The following ANXA8 variants were observed in gnomAD, a reference collection of about 807,000 sequenced individuals.
ANXA8 encodes annexin A8.
ANXA8 carries 9 observed loss-of-function variants against 26.8 expected under a neutral mutation model. The ratio of observed to expected loss-of-function variants is 0.34; its 90% CI spans 0.20 to 0.59. ANXA8 has a LOEUF of 0.59. ANXA8 is among the 20% of genes least tolerant of loss of function. The probability of loss-of-function intolerance (pLI) is 0.84; values close to 1 mark genes in which losing one functional copy is unlikely to be tolerated. For missense variants in ANXA8, 83 were observed against 238.5 expected, an observed-to-expected ratio of 0.35 and a Z score of 4.29; for synonymous variants, 39 against 94.8, an observed-to-expected ratio of 0.41 and a Z score of 3.42.
At chr10:47,714,520 C>G in the ANXA8 span, among the ~76,000 whole-genome samples, 7 of 85,634 alleles carry the variant, frequency 8.2e-5, no homozygotes, top group African/African-American at 2.8e-4. Flanking sequence ...TATGATAATA[C>G]AGATAAGTTG....
the ANXA8 span, among the ~76,000 whole-genome samples, chr10:47,560,812 A>G: frequency 7.9e-5 from 12 of 152,130 alleles, no homozygotes; most frequent in African/African-American, 2.4e-4. Context: ...TTTTAGTGTT[A>G]AAACAATTTT....
the ANXA8 span, among the ~76,000 whole-genome samples, chr10:47,681,866 G>T: frequency 2.7e-5 from 3 of 113,168 alleles, no homozygotes; most frequent in African/African-American, 1.0e-4. Flanking sequence ...GATGTTGCAT[G>T]GTGTGGATGG....
At chr10:47,697,407 A>G in the ANXA8 span, among the ~76,000 whole-genome samples, 20 of 151,814 alleles carry the variant, frequency 1.3e-4, no homozygotes, top group South Asian at 1.0e-3. Context: ...CTAGCAAAAT[A>G]TATTTGATAA....
At chr10:47,669,770 G>A in the ANXA8 span, among the ~76,000 whole-genome samples, 1 of 151,712 alleles carries the variant, frequency 6.6e-6, no homozygotes, top group Non-Finnish European at 1.5e-5. Context: ...CACAATTTGG[G>A]GAAGAAATGA....
the ANXA8 span, among the ~76,000 whole-genome samples, chr10:47,980,871 G>A: frequency 9.3e-5 from 14 of 151,176 alleles, no homozygotes; most frequent in East Asian, 3.9e-4. Context: ...AAATGGTTTC[G>A]CTGATTAGTT....
the ANXA8 span, among the ~76,000 whole-genome samples, chr10:47,966,593 A>G: frequency 5.8e-3 from 864 of 147,836 alleles, 14 homozygotes; most frequent in African/African-American, 0.02. Context: ...TGTAGGCCAG[A>G]CTGGCAGGGG....
the ANXA8 span, among the ~76,000 whole-genome samples, chr10:47,982,833 T>TAAAA: frequency 1.4e-5 from 1 of 71,156 alleles, no homozygotes; most frequent in Admixed American, 1.6e-4. Context: ...TATATATATA[T>TAAAA]AAAATTTGAT....
chr10:47,694,178 A>G, the ANXA8 span, among the ~76,000 whole-genome samples: 3 of 151,666 alleles, frequency 2.0e-5, no homozygotes, highest in African/African-American at 7.3e-5. Context: ...CTATTATAAG[A>G]CATTTAGATG....
the ANXA8 span, among the ~76,000 whole-genome samples, chr10:47,617,886 G>C: frequency 7.1e-6 from 1 of 140,032 alleles, no homozygotes; most frequent in South Asian, 2.2e-4. Context: ...TTTATCCTTA[G>C]ATTATCTAAT....
the ANXA8 span, among the ~76,000 whole-genome samples, chr10:47,707,180 A>C: frequency 4.5e-5 from 6 of 134,418 alleles, no homozygotes; most frequent in Non-Finnish European, 5.1e-5. Flanking sequence ...AAAAACAAAA[A>C]AAAACAAAAA....
chr10:47,673,947 C>T, the ANXA8 span, among the ~76,000 whole-genome samples: 2 of 150,160 alleles, frequency 1.3e-5, no homozygotes, highest in African/African-American at 4.9e-5. Context: ...CCTTAGGGTC[C>T]TCTTGGTTTT....
chr10:47,572,741 A>G, the ANXA8 span, among the ~76,000 whole-genome samples: 2 of 143,722 alleles, frequency 1.4e-5, no homozygotes, highest in Non-Finnish European at 3.0e-5. Context: ...TTAAAAAAAA[A>G]AGAAGAACGT....
At chr10:47,952,300 C>T in the ANXA8 span, among the ~76,000 whole-genome samples, 11 of 151,618 alleles carry the variant, frequency 7.3e-5, no homozygotes, top group South Asian at 2.1e-4. Flanking sequence ...GAAATACCGA[C>T]ATAAGATTCG....
chr10:47,670,160 G>A, the ANXA8 span, among the ~76,000 whole-genome samples: 1 of 151,824 alleles, frequency 6.6e-6, no homozygotes, highest in Non-Finnish European at 1.5e-5. Flanking sequence ...TATTTTTGTG[G>A]TTCATCTATG....
the ANXA8 span, among the ~76,000 whole-genome samples, chr10:47,560,265 A>T: frequency 2.6e-5 from 4 of 151,936 alleles, no homozygotes; most frequent in African/African-American, 9.7e-5. Flanking sequence ...GCAAGTTAAA[A>T]TTTTTAAGTT....
At chr10:47,565,001 G>A in the ANXA8 span, 3 of 972,228 alleles carry the variant, frequency 3.1e-6, no homozygotes, top group Admixed American at 1.7e-5. Context: ...CCACCGTCTG[G>A]CCGGCATCTC....
At chr10:47,686,468 T>C in the ANXA8 span, among the ~76,000 whole-genome samples, 1 of 151,744 alleles carries the variant, frequency 6.6e-6, no homozygotes, top group Non-Finnish European at 1.5e-5. Flanking sequence ...TGCCTCAGCC[T>C]CCCGAAGTCC....
At chr10:47,733,195 T>TTCTTTCTTTCTCTCTCTCTCTCTC in the ANXA8 span, among the ~76,000 whole-genome samples, 1 of 111,384 alleles carries the variant, frequency 9.0e-6, no homozygotes, top group East Asian at 2.4e-4. Context: ...CTTTCTTTCT[T>TTCTTTCTTTCTCTCTCTCTCTCTC]TCTTTCTTTC....
chr10:47,736,056 AAGC>A, the ANXA8 span, among the ~76,000 whole-genome samples: 1 of 84,216 alleles, frequency 1.2e-5, no homozygotes, highest in Non-Finnish European at 2.3e-5. Flanking sequence ...ACCAGGAAAA[AAGC>A]AGAAATTCCA....
Sources: gnomAD v4.1 joint callset for allele counts (sites outside exome capture counted in the v4.1 genomes callset) on GRCh38, gnomAD v4.1.1 for gene constraint, MANE v1.5 for transcripts, NCBI Gene and HGNC (gene_info 2026-07-23, HGNC 2026-07-21) for gene names.